Variants in TRHDE observed in about 807,000 individuals in gnomAD.
The protein encoded by TRHDE is thyrotropin releasing hormone degrading enzyme.
TRHDE carries 72 observed loss-of-function variants against 125.7 expected under a neutral mutation model. That is an observed-to-expected ratio of 0.57 (90% CI 0.47 to 0.70). TRHDE has a LOEUF of 0.70. TRHDE is among the 30% of genes least tolerant of loss of function. TRHDE has a pLI of 0.00. For missense variants in TRHDE, 1,110 were observed against 1,327.1 expected, an observed-to-expected ratio of 0.84 and a Z score of 2.54; for synonymous variants, 509 against 509.1, an observed-to-expected ratio of 1.00 and a Z score of 0.00.
At chr12:72,578,944 T>G (rs914569745) in intron 12 of TRHDE, among the ~76,000 whole-genome samples, 4 of 151,708 alleles carry the variant, frequency 2.6e-5, no homozygotes, top group African/African-American at 9.7e-5. Flanking sequence ...GGCATGTATT[T>G]ATCTAGCCAT....
intron 2 of TRHDE, among the ~76,000 whole-genome samples, chr12:72,325,988 A>G (rs1424719487): frequency 2.0e-5 from 3 of 152,186 alleles, no homozygotes; most frequent in Non-Finnish European, 4.4e-5. Context: ...CACCACTCAA[A>G]ACAATGATCA....
intron 3 of TRHDE, among the ~76,000 whole-genome samples, chr12:72,430,281 TTGTG>T (rs1434118125): frequency 2.1e-5 from 3 of 143,376 alleles, no homozygotes; most frequent in East Asian, 2.0e-4. Context: ...TATAAAACTG[TTGTG>T]TGTGTGTATA....
At chr12:72,498,057 A>C (rs961962480) in intron 5 of TRHDE, among the ~76,000 whole-genome samples, 2 of 152,158 alleles carry the variant, frequency 1.3e-5, no homozygotes, top group African/African-American at 4.8e-5. Flanking sequence ...AGTCATTACC[A>C]TATAATCCTC....
chr12:72,243,143 C>A (rs907023397), intron 2 of TRHDE, among the ~76,000 whole-genome samples: 6 of 152,182 alleles, frequency 3.9e-5, no homozygotes, highest in Admixed American at 3.3e-4. Context: ...TGAAAAGAAC[C>A]TGGTCTTTGA....
intron 2 of TRHDE, among the ~76,000 whole-genome samples, chr12:72,115,932 G>T (rs1875432733): frequency 6.6e-6 from 1 of 152,096 alleles, no homozygotes. Flanking sequence ...ATAGTGGTTT[G>T]CTGCACCTAT....
At chr12:72,565,511 C>T (rs546554224) in intron 9 of TRHDE, among the ~76,000 whole-genome samples, 31 of 152,138 alleles carry the variant, frequency 2.0e-4, no homozygotes, top group Admixed American at 1.6e-3. Flanking sequence ...TGTGAATTTG[C>T]GTAGCCTTTT....
chr12:72,118,598 C>T (rs1490940603), intron 2 of TRHDE, among the ~76,000 whole-genome samples: 4 of 152,018 alleles, frequency 2.6e-5, no homozygotes, highest in Admixed American at 2.0e-4. Flanking sequence ...TCCTTTTCTA[C>T]TTTTTGGAAT....
In TRHDE at chr12:72,123,910, C is replaced by T. The variant is rs577241547; in HGVS notation, n.279+18158C>T. Among the ~76,000 whole-genome samples, 3 of 152,220 alleles carry T rather than the reference C, an allele frequency of 2.0e-5. No homozygotes were observed. The South Asian group carries it at 6.2e-4, about 32-fold the overall frequency. On this transcript the variant is annotated intron_variant and non_coding_transcript_variant, in intron 2 of 4. Coordinates refer to the TRHDE transcript ENST00000548156. ...GGTATTTTATATAAAAGGAATCTTA[C>T]AATATATACTCTATTTTTTGGTCTG...
At chr12:72,555,395 C>A (rs1024911026) in intron 7 of TRHDE, among the ~76,000 whole-genome samples, 1 of 151,938 alleles carries the variant, frequency 6.6e-6, no homozygotes, top group Non-Finnish European at 1.5e-5. Flanking sequence ...AACTGCTATA[C>A]CTCAAAAAGT....
chr12:72,505,466 G>A (rs922946644), intron 6 of TRHDE, among the ~76,000 whole-genome samples: 2 of 152,210 alleles, frequency 1.3e-5, no homozygotes, highest in Middle Eastern at 3.4e-3. Context: ...GAAAGTGAGT[G>A]AATGCTCATT....
intron 6 of TRHDE, among the ~76,000 whole-genome samples, chr12:72,506,865 C>T (rs1878376731): frequency 6.6e-6 from 1 of 152,138 alleles, no homozygotes; most frequent in Non-Finnish European, 1.5e-5. Flanking sequence ...TTTGTGTCCT[C>T]AACCAAATAT....
chr12:72,573,922 T>A (rs1264924854), intron 10 of TRHDE, among the ~76,000 whole-genome samples: 1 of 151,954 alleles, frequency 6.6e-6, no homozygotes, highest in Non-Finnish European at 1.5e-5. Flanking sequence ...ATAAAGGTGG[T>A]GGGAAGTTGT....
chr12:72,536,594 G>T (rs1868871212), intron 6 of TRHDE, among the ~76,000 whole-genome samples: 1 of 152,076 alleles, frequency 6.6e-6, no homozygotes, highest in Non-Finnish European at 1.5e-5. Flanking sequence ...AGTAAACTGA[G>T]GAAAGAGTGA....
intron 6 of TRHDE, among the ~76,000 whole-genome samples, chr12:72,515,291 C>T (rs1358140655): frequency 4.3e-5 from 6 of 139,672 alleles, no homozygotes; most frequent in Non-Finnish European, 7.6e-5. Context: ...ACATCCTCTC[C>T]AGCACCTGTT....
At chr12:72,119,283 C>T (rs1875521248) in intron 2 of TRHDE, among the ~76,000 whole-genome samples, 3 of 152,172 alleles carry the variant, frequency 2.0e-5, no homozygotes, top group South Asian at 4.1e-4. Context: ...TCCTTAATTT[C>T]TTCATTTACT....
At chr12:72,357,731 G>A (rs1451473632) in intron 2 of TRHDE, among the ~76,000 whole-genome samples, 1 of 151,476 alleles carries the variant, frequency 6.6e-6, no homozygotes, top group African/African-American at 2.4e-5. Context: ...TCTTGTCAAA[G>A]GGGAAAAATG....
chr12:72,223,915 C>A (rs1417589194), intron 2 of TRHDE, among the ~76,000 whole-genome samples: 1 of 151,730 alleles, frequency 6.6e-6, no homozygotes, highest in Non-Finnish European at 1.5e-5. Context: ...CAGAACCTAT[C>A]ATTTTTCTTA....
chr12:72,538,599 C>T (rs1341840231), intron 6 of TRHDE, among the ~76,000 whole-genome samples: 1 of 151,958 alleles, frequency 6.6e-6, no homozygotes, highest in Non-Finnish European at 1.5e-5. Flanking sequence ...ACTTTCCACT[C>T]AATTTTATTC....
chr12:72,259,386 C>T (rs900856568), intron 2 of TRHDE, among the ~76,000 whole-genome samples: 1 of 152,066 alleles, frequency 6.6e-6, no homozygotes, highest in Non-Finnish European at 1.5e-5. Flanking sequence ...ACTTTCTTAC[C>T]TTCTGGCCCA....
Sources: gnomAD v4.1 joint callset for allele counts (sites outside exome capture counted in the v4.1 genomes callset) on GRCh38, gnomAD v4.1.1 for gene constraint, MANE v1.5 for transcripts, NCBI Gene and HGNC (gene_info 2026-07-23, HGNC 2026-07-21) for gene names.